Variants in FAM118A observed in about 807,000 individuals in gnomAD.
FAM118A encodes the protein SIR2 antiphage like 2, also known as protein FAM118A.
Under a neutral mutation model 38.2 loss-of-function variants are expected in FAM118A, and 25 were observed. The ratio of observed to expected loss-of-function variants is 0.65; its 90% CI spans 0.48 to 0.91. The LOEUF is 0.91. Ranked by LOEUF, FAM118A falls within the 40% of genes least tolerant of loss-of-function variation. The pLI is 0.00. For synonymous variants in FAM118A, 178 were observed against 184.1 expected (o/e 0.97, Z 0.27); for missense variants, 425 against 463.3 (o/e 0.92, Z 0.76).
chr22:45,320,830 T>C (rs955149487), intron 1 of FAM118A, among the ~76,000 whole-genome samples: 3 of 152,206 alleles, frequency 2.0e-5, no homozygotes, highest in East Asian at 3.9e-4. Flanking sequence ...TTTGGTGGTG[T>C]GTGCTAAGAT....
chr22:45,338,208 G>A (rs570689631), intron 8 of FAM118A, among the ~76,000 whole-genome samples: 26 of 150,898 alleles, frequency 1.7e-4, no homozygotes, highest in Non-Finnish European at 2.5e-4. Context: ...GATTTCCACC[G>A]TCTTTTAAGT....
intron 1 of FAM118A, chr22:45,322,099 C>T: frequency 8.9e-7 from 1 of 1,124,520 alleles, no homozygotes; most frequent in Middle Eastern, 2.2e-4. Flanking sequence ...GCCCATCCTT[C>T]ATCTGCTCCT....
rs745610671 is a variant in FAM118A at position 45,332,616 on chromosome 22, C to G, written c.843C>G (p.His281Gln). Reference protein sequence around the residue: ...FFKHQADMLLHGIKVVSYGDC... With the variant: ...FFKHQADMLLQGIKVVSYGDC... ...AGCATCAGGCAGATATGCTTCTGCA[C>G]GGAATCAAAGTTGTATCCTACGGGG... The change falls in exon 6 of 9, where the codon CAC (histidine) becomes CAG (glutamine). Residue 281 changes from histidine (H) to glutamine (Q), a missense_variant. Transcript: ENST00000441876. 4.3e-6 allele frequency: 7 copies of G among 1,614,168 alleles called. No individual in the cohort carries two copies. Among genetic ancestry groups the G allele is most frequent in the Non-Finnish European group, 2.5e-6 (3 of 1,180,030 alleles).
At chr22:45,320,380 C>CA (rs111763932) in intron 1 of FAM118A, among the ~76,000 whole-genome samples, 48 of 148,656 alleles carry the variant, frequency 3.2e-4, no homozygotes, top group Non-Finnish European at 4.0e-4. Context: ...GAGACTCCAT[C>CA]AAAAAAAAAC....
chr22:45,339,677 C>T (rs1279508047), intron 8 of FAM118A, among the ~76,000 whole-genome samples: 1 of 152,164 alleles, frequency 6.6e-6, no homozygotes, highest in Non-Finnish European at 1.5e-5. Flanking sequence ...TGGGCTCCTC[C>T]AGTGCCTGCT....
chr22:45,330,166 G>A (rs2085601964), intron 4 of FAM118A, among the ~76,000 whole-genome samples: 1 of 152,216 alleles, frequency 6.6e-6, no homozygotes. Flanking sequence ...AACCTCAAGT[G>A]TTAAAGACAT....
intron 1 of FAM118A, among the ~76,000 whole-genome samples, chr22:45,312,298 TCGGACAC>T (rs2084405361): frequency 1.3e-5 from 2 of 152,110 alleles, no homozygotes; most frequent in Non-Finnish European, 2.9e-5. Flanking sequence ...CTCCACCCCT[TCGGACAC>T]CAGTCACAAG....
At chr22:45,331,353 C>A (rs6007593) in intron 5 of FAM118A, among the ~76,000 whole-genome samples, 152,306 of 152,306 alleles carry the variant, frequency 1, 76,153 homozygotes, top group Non-Finnish European at 1. Context: ...AAGTAAATAA[C>A]ACTTCATTCT....
chr22:45,326,423 C>T (rs2085270065), intron 3 of FAM118A, among the ~76,000 whole-genome samples: 2 of 152,220 alleles, frequency 1.3e-5, no homozygotes, highest in African/African-American at 4.8e-5. Context: ...TGTGCTGGCT[C>T]ATGCCTGTAA....
In FAM118A at chr22:45,323,350, G is replaced by A. The variant is rs765614973; in HGVS notation, c.223G>A (p.Ala75Thr). Residue 75 changes from alanine (A) to threonine (T), a missense_variant, in exon 3 of 9, where the codon GCC becomes ACC. Coordinates refer to ENST00000441876, the MANE Select transcript of FAM118A (RefSeq NM_017911.4). ...QLEVLHPGDV[A>T]EFRRKVTKDR... ...GGAGGTGCTGCACCCCGGAGACGTC[G>A]CCGAGTTCCGGAGGAAAGTGACAAA... 1.5e-5 allele frequency: 24 copies of A among 1,614,022 alleles called. 1 individual carries two copies. Among genetic ancestry groups the A allele is most frequent in the South Asian group, 2.2e-5 (2 of 91,084 alleles).
chr22:45,314,148 G>A (rs2084499851), intron 1 of FAM118A, among the ~76,000 whole-genome samples: 1 of 152,154 alleles, frequency 6.6e-6, no homozygotes, highest in Non-Finnish European at 1.5e-5. Context: ...CTCCTTGTCA[G>A]GAAAATGCCG....
At chr22:45,313,368 G>C (rs2084463736) in intron 1 of FAM118A, among the ~76,000 whole-genome samples, 1 of 149,652 alleles carries the variant, frequency 6.7e-6, no homozygotes, top group Non-Finnish European at 1.5e-5. Context: ...TGTTGCCAGG[G>C]CTGGAGTGCA....
At chr22:45,311,382 G>A (rs1868404261) in intron 1 of FAM118A, among the ~76,000 whole-genome samples, 1 of 152,194 alleles carries the variant, frequency 6.6e-6, no homozygotes. Flanking sequence ...CGTGCCCTTG[G>A]CCCTTTCTTG....
intron 1 of FAM118A, among the ~76,000 whole-genome samples, chr22:45,312,608 AG>A (rs2084421736): frequency 1.3e-5 from 2 of 152,318 alleles, no homozygotes; most frequent in South Asian, 4.1e-4. Context: ...CGGAAGGCTG[AG>A]GTTGCAATGA....
At chr22:45,310,860 T>TTAGG (rs144157401) in intron 1 of FAM118A, among the ~76,000 whole-genome samples, 3,675 of 152,082 alleles carry the variant, frequency 0.024, 125 homozygotes, top group African/African-American at 0.084. Context: ...AGGGAGCGAG[T>TTAGG]TAGGGCACAT....
In FAM118A at chr22:45,332,544, G is replaced by A. The variant is rs370083785; in HGVS notation, c.771G>A (p.Leu257=). 14 of 1,614,038 alleles carry A rather than the reference G, an allele frequency of 8.7e-6. No individual in the cohort carries two copies. The African/African-American group carries it at 1.9e-4, about 22-fold the overall frequency. The part of the protein sequence containing the change: ...FLYSVPNKVD[L]EHYMLVLKEN... ...ACTCCGTGCCGAATAAGGTGGATTT[G>A]GAGCACTACATGCTTGTGCTGAAGG... Residue 257 remains leucine (L), a synonymous_variant, in exon 6 of 9, where the codon TTG becomes TTA. Coordinates refer to ENST00000441876, the MANE Select transcript of FAM118A (RefSeq NM_017911.4).
At chr22:45,335,590 G>A (rs2086027408) in intron 7 of FAM118A, among the ~76,000 whole-genome samples, 1 of 152,156 alleles carries the variant, frequency 6.6e-6, no homozygotes, top group Non-Finnish European at 1.5e-5. Flanking sequence ...TGACGAGGAA[G>A]CACAGCCGAA....
intron 3 of FAM118A, among the ~76,000 whole-genome samples, chr22:45,326,912 A>G (rs554167004): frequency 1.6e-4 from 24 of 147,774 alleles, no homozygotes; most frequent in African/African-American, 4.5e-4. Flanking sequence ...TGGGAGGCTG[A>G]GGTTGGAGGA....
At chr22:45,338,793 A>G (rs571148649) in intron 8 of FAM118A, among the ~76,000 whole-genome samples, 1 of 152,334 alleles carries the variant, frequency 6.6e-6, no homozygotes, top group East Asian at 1.9e-4. Flanking sequence ...TTCATTTAAC[A>G]TTTAAATCCT....
Sources: gnomAD v4.1 joint callset for allele counts (sites outside exome capture counted in the v4.1 genomes callset) on GRCh38, gnomAD v4.1.1 for gene constraint, MANE v1.5 for transcripts, NCBI Gene and HGNC (gene_info 2026-07-23, HGNC 2026-07-21) for gene names.